PLEKHA8: variants seen among roughly 807,000 people sequenced by gnomAD.
PLEKHA8 encodes pleckstrin homology domain-containing family A member 8.
Under a neutral mutation model 68.2 loss-of-function variants are expected in PLEKHA8, and 36 were observed. The ratio of observed to expected loss-of-function variants is 0.53; its 90% CI spans 0.40 to 0.70. The LOEUF is 0.70. Among genes scored for constraint, PLEKHA8 ranks in the 30% least tolerant of loss-of-function variants. The pLI, the probability that PLEKHA8 is intolerant of heterozygous loss-of-function variation, is 0.00. For synonymous variants in PLEKHA8, 211 were observed against 216.1 expected, an observed-to-expected ratio of 0.98 and a Z score of 0.20; for missense variants, 505 against 615.4, an observed-to-expected ratio of 0.82 and a Z score of 1.90.
Position 30,049,228 on chromosome 7 carries a change from G to A in PLEKHA8, c.443G>A (p.Gly148Glu), listed in dbSNP as rs1245707626. ...TCCACTCTGGTTGTTTCGTAGGAGG[G>A]AATTGATGTGGGAACTTTGCTGAAA... is the stretch of plus-strand genomic sequence containing the variant. ...TTTGVSNSEE[G>E]IDVGTLLKST... Residue 148 changes from glycine (G) to glutamate (E), a missense_variant, in exon 5 of 14, where the codon GGA (glycine) becomes GAA (glutamate). By Grantham distance (98) the Gly-to-Glu change is moderately conservative. Transcript: ENST00000449726. 6.2e-7 allele frequency: 1 copy of A among 1,613,770 alleles called. No individual in the cohort carries two copies. Among genetic ancestry groups the A allele is most frequent in the South Asian group, 1.1e-5 (1 of 91,076 alleles).
rs554299591 is a variant in PLEKHA8 at position 30,029,118 on chromosome 7, C to T, written c.40+316C>T. On this transcript the variant is annotated intron_variant, in intron 1 of 13. Coordinates refer to ENST00000449726, the MANE Select transcript of PLEKHA8 (RefSeq NM_001197026.2). ...CGGGAGGAAGGCGCAGACGCCCCGC[C>T]GTGGGGTTCTCTGGGAATCTCTTGA... Among the ~76,000 whole-genome samples the T allele has an allele frequency of 3.3e-5, 5 of 152,342 alleles. No individual in the cohort carries two copies. In the East Asian group the frequency reaches 7.7e-4, roughly 24 times the overall value.
At chr7:30,059,697 C>G (rs1793284220) in intron 9 of PLEKHA8, among the ~76,000 whole-genome samples, 1 of 142,556 alleles carries the variant, frequency 7.0e-6, no homozygotes, top group African/African-American at 2.6e-5. Flanking sequence ...ATTCCTCTAT[C>G]TTTTCTCTTT....
chr7:30,073,959 C>A, intron 12 of PLEKHA8, 112 bp from the exon 13 acceptor site: 1 of 793,100 alleles, frequency 1.3e-6, no homozygotes, highest in Non-Finnish European at 2.0e-6. Flanking sequence ...GTACTCTAGC[C>A]TAGGTGACAG....
chr7:30,072,076 T>C (rs1288201051), intron 12 of PLEKHA8: 1 of 152,236 alleles, frequency 6.6e-6, no homozygotes, highest in Non-Finnish European at 1.5e-5. Context: ...TTGGTTTACA[T>C]TGAAGACATG....
Position 30,082,209 on chromosome 7 carries a change from A to G in PLEKHA8, c.*3422A>G, listed in dbSNP as rs1472407559. The G allele has an allele frequency of 2.2e-5, 22 of 985,144 alleles. No individual in the cohort carries two copies. Among genetic ancestry groups the G allele is most frequent in the African/African-American group, 1.0e-4 (6 of 57,196 alleles). The allele number at this position is 985,144 out of a possible 1,614,324, so 61.0% of individuals were successfully genotyped here. A position where few individuals can be genotyped will look rare whatever the true frequency, so the allele number is the denominator to read the frequency against. On this transcript the variant is annotated 3_prime_UTR_variant, in exon 14 of 14. Coordinates refer to ENST00000449726, the MANE Select transcript of PLEKHA8 (RefSeq NM_001197026.2). The stretch of plus-strand genomic sequence containing the variant: ...TATTCTGATTATTAAACTTCCCCCA[A>G]TGTCATATTCCATGATGAGGGATTT...
chr7:30,059,533 T>G (rs747726081), intron 9 of PLEKHA8, among the ~76,000 whole-genome samples: 12 of 152,060 alleles, frequency 7.9e-5, no homozygotes, highest in Non-Finnish European at 1.6e-4. Context: ...CTGTATGTTC[T>G]TTGTTCCCTT....
chr7:30,100,249 G>T (rs1795800495), intron 13 of PLEKHA8, among the ~76,000 whole-genome samples: 1 of 152,114 alleles, frequency 6.6e-6, no homozygotes, highest in South Asian at 2.1e-4. Flanking sequence ...CAGAGATTAG[G>T]ATTTAAATAT....
intron 13 of PLEKHA8, among the ~76,000 whole-genome samples, chr7:30,097,898 C>G (rs1007416985): frequency 6.6e-6 from 1 of 152,302 alleles, no homozygotes; most frequent in East Asian, 1.9e-4. Flanking sequence ...GGAGGAGAGG[C>G]GCTCTGACTT....
chr7:30,123,033 T>C (rs1416643963), intron 13 of PLEKHA8, among the ~76,000 whole-genome samples: 2 of 151,826 alleles, frequency 1.3e-5, no homozygotes, highest in African/African-American at 4.8e-5. Context: ...TTCCCCCCCC[T>C]AAGCTAGCTT....
intron 9 of PLEKHA8, among the ~76,000 whole-genome samples, chr7:30,055,945 C>CT (rs530852500): frequency 0.43 from 58,869 of 136,196 alleles, 15,498 homozygotes; most frequent in East Asian, 0.84. Context: ...AACATATTTT[C>CT]TTTTTTTTTT....
chr7:30,055,475 A>G, intron 9 of PLEKHA8, 133 bp downstream of exon 9: 2 of 737,468 alleles, frequency 2.7e-6, no homozygotes, highest in Non-Finnish European at 4.8e-6. Flanking sequence ...ATCACCAGAC[A>G]CATACAGTTA....
At chr7:30,113,388 A>AT (rs1158686288) in intron 13 of PLEKHA8, among the ~76,000 whole-genome samples, 1 of 152,006 alleles carries the variant, frequency 6.6e-6, no homozygotes, top group Non-Finnish European at 1.5e-5. Context: ...TTTTGAAGAT[A>AT]TTTTTTCTGT....
intron 13 of PLEKHA8, chr7:30,118,044 A>G: frequency 6.6e-7 from 1 of 1,507,606 alleles, no homozygotes; most frequent in Non-Finnish European, 8.8e-7. Context: ...GGCCTGCAGG[A>G]CATGATGACC....
chr7:30,104,713 C>CTTTTT (rs34669397), intron 13 of PLEKHA8, among the ~76,000 whole-genome samples: 16 of 102,860 alleles, frequency 1.6e-4, no homozygotes, highest in Non-Finnish European at 2.6e-4. Flanking sequence ...GTCACAACAG[C>CTTTTT]TTTTTTTTTT....
intron 9 of PLEKHA8, among the ~76,000 whole-genome samples, chr7:30,057,138 C>G (rs1044380828): frequency 6.6e-6 from 1 of 151,988 alleles, no homozygotes; most frequent in African/African-American, 2.4e-5. Flanking sequence ...ATCTACCTCT[C>G]TAATCCATAT....
intron 1 of PLEKHA8, among the ~76,000 whole-genome samples, chr7:30,036,299 T>G (rs893004278): frequency 1.3e-5 from 2 of 151,728 alleles, no homozygotes; most frequent in African/African-American, 2.4e-5. Flanking sequence ...GATAGATAGA[T>G]AGAGTGAGAC....
At chr7:30,036,416 A>ATAGG (rs1562851584) in intron 1 of PLEKHA8, among the ~76,000 whole-genome samples, 3 of 50,692 alleles carry the variant, frequency 5.9e-5, no homozygotes, top group Non-Finnish European at 9.1e-5. Context: ...GAATAGATAG[A>ATAGG]TAGATAGATA....
At chr7:30,037,348 G>T (rs974858212) in intron 1 of PLEKHA8, among the ~76,000 whole-genome samples, 2 of 151,240 alleles carry the variant, frequency 1.3e-5, no homozygotes, top group Admixed American at 1.3e-4. Flanking sequence ...AAAAAAATTT[G>T]TTTGGAAACA....
rs1363797372 is a variant in PLEKHA8 at position 30,047,975 on chromosome 7, A to G, written c.438+19A>G. On this transcript the variant is annotated intron_variant, in intron 4 of 13. Transcript: ENST00000449726. ...TTCTGAGGTAAAATATTATTTATTA[A>G]TATTATTAATATACATGAATAATAT... 1.6e-6 allele frequency: 2 copies of G among 1,248,584 alleles called. No individual in the cohort carries two copies. Among genetic ancestry groups the G allele is most frequent in the Admixed American group, 3.2e-5 (1 of 30,814 alleles). The allele number at this position is 1,248,584 out of a possible 1,614,324, so 77.3% of individuals were successfully genotyped here.
Sources: allele counts gnomAD v4.1 joint callset (sites outside exome capture counted in the v4.1 genomes callset), GRCh38; gene constraint gnomAD v4.1.1; transcripts MANE v1.5; gene names NCBI Gene and HGNC (gene_info 2026-07-23, HGNC 2026-07-21).